PSPC1: variants seen among roughly 807,000 people sequenced by gnomAD.
PSPC1 encodes paraspeckle component 1.
In PSPC1, 14 loss-of-function variants were observed where a neutral mutation model predicts 51.6. The ratio of observed to expected loss-of-function variants is 0.27; its 90% CI spans 0.18 to 0.42. The LOEUF is 0.42. Among genes scored for constraint, PSPC1 ranks in the 10% least tolerant of loss-of-function variants. PSPC1 has a pLI of 1.00. For synonymous variants in PSPC1, 193 were observed against 231.9 expected, an observed-to-expected ratio of 0.83 and a Z score of 1.53; for missense variants, 406 against 701.1, an observed-to-expected ratio of 0.58 and a Z score of 4.75.
chr13:19,746,127 A>G (rs1885955302), intron 4 of PSPC1, among the ~76,000 whole-genome samples: 1 of 150,670 alleles, frequency 6.6e-6, no homozygotes, highest in African/African-American at 2.4e-5. Context: ...TGCCTCAGCT[A>G]CCCGAGCAGC....
downstream of PSPC1, chr13:19,673,145 C>T (rs1400388738): frequency 8.8e-6 from 4 of 453,002 alleles, no homozygotes; most frequent in Admixed American, 4.8e-5. Flanking sequence ...TTTTGAACAC[C>T]GACTGGGAAG....
intron 7 of PSPC1, 70 bp downstream of exon 7, chr13:19,709,472 T>A: frequency 8.2e-7 from 1 of 1,222,788 alleles, no homozygotes. Flanking sequence ...GATATGTAGA[T>A]ACCACAAACA....
intron 4 of PSPC1, among the ~76,000 whole-genome samples, chr13:19,742,179 G>C (rs1020991701): frequency 6.6e-6 from 1 of 151,140 alleles, no homozygotes; most frequent in Non-Finnish European, 1.5e-5. Flanking sequence ...AACTCATCTT[G>C]GCTGGGCGCG....
At position 19,711,403 on chromosome 13, in the gene PSPC1, G is replaced by A. The variant is rs552728593; in HGVS notation, c.1159-1804C>T. On this transcript the variant is annotated intron_variant, in intron 6 of 8. Coordinates refer to ENST00000338910, the MANE Select transcript of PSPC1 (RefSeq NM_001354909.2). The stretch of plus-strand genomic sequence containing the variant: ...TGTAATCCCAGCACTTTGGGAGGCC[G>A]AGATGGGCGGATCATGAGGTCAGGA... Among the ~76,000 whole-genome samples, 22 of 152,210 alleles carry A rather than the reference G, an allele frequency of 1.4e-4. No homozygotes were observed. In the South Asian group the frequency reaches 2.9e-3, roughly 20 times the overall value.
intron 5 of PSPC1, among the ~76,000 whole-genome samples, chr13:19,740,401 G>A (rs1391729475): frequency 2.0e-5 from 3 of 151,628 alleles, no homozygotes; most frequent in Non-Finnish European, 2.9e-5. Flanking sequence ...TTTATAAATT[G>A]ATAAACTCAG....
intron 6 of PSPC1, among the ~76,000 whole-genome samples, chr13:19,686,667 C>A (rs1239863233): frequency 6.6e-6 from 1 of 152,008 alleles, no homozygotes; most frequent in Non-Finnish European, 1.5e-5. Flanking sequence ...TCATAAAATT[C>A]AAAAATATAG....
intron 1 of PSPC1, among the ~76,000 whole-genome samples, chr13:19,780,308 G>A (rs1355118498): frequency 3.6e-5 from 5 of 138,198 alleles, no homozygotes; most frequent in African/African-American, 1.0e-4. Flanking sequence ...CGTCTGGGAG[G>A]TGTGCCCAAC....
chr13:19,748,317 T>C (rs965035950), intron 4 of PSPC1, among the ~76,000 whole-genome samples: 1 of 152,176 alleles, frequency 6.6e-6, no homozygotes, highest in African/African-American at 2.4e-5. Context: ...AATTTACCAA[T>C]TGCAGACTTT....
chr13:19,704,666 G>A (rs763541501), intron 8 of PSPC1, among the ~76,000 whole-genome samples: 2 of 151,954 alleles, frequency 1.3e-5, no homozygotes, highest in Non-Finnish European at 2.9e-5. Context: ...CCTAAAGTCC[G>A]ATTTATATAG....
At chr13:19,772,979 G>A (rs903656051) in intron 1 of PSPC1, among the ~76,000 whole-genome samples, 2 of 151,846 alleles carry the variant, frequency 1.3e-5, no homozygotes, top group African/African-American at 4.8e-5. Context: ...CTGGCCAACA[G>A]GGTGAAATCC....
rs766922316 is a variant in PSPC1, at chr13:19,772,513, C to T, written c.403G>A (p.Ala135Thr). Reference sequence around the variant, plus strand: ...TTGAGAATGGTGCCGTCCAGCTCTGCTTTTGCAATTTCAGCCAGGGTTCTG... The same window carrying T: ...TTGAGAATGGTGCCGTCCAGCTCTGTTTTTGCAATTTCAGCCAGGGTTCTG... ...ESRTLAEIAK[A>T]ELDGTILKSR... Residue 135 changes from alanine to threonine, a missense_variant, in exon 2 of 9, where the codon GCA becomes ACA. Physicochemically the swap from Ala to Thr is moderately conservative, Grantham distance 58. Around this residue, in one of 5 missense-constraint regions of PSPC1, gnomAD observed 180 missense variants for 337.9 expected, o/e 0.53. Transcript: ENST00000338910. 6.2e-7 allele frequency: 1 copy of T among 1,605,012 alleles called. No individual in the cohort carries two copies. The highest frequency in any genetic ancestry group is 1.1e-5 in the South Asian group (1 of 90,078).
intron 6 of PSPC1, among the ~76,000 whole-genome samples, chr13:19,688,261 C>T (rs1878159163): frequency 6.6e-6 from 1 of 152,028 alleles, no homozygotes; most frequent in African/African-American, 2.4e-5. Flanking sequence ...CGTCAAGGTA[C>T]CAAAGTATAC....
At chr13:19,771,001 C>G (rs1888571403) in intron 2 of PSPC1, among the ~76,000 whole-genome samples, 1 of 151,972 alleles carries the variant, frequency 6.6e-6, no homozygotes, top group Non-Finnish European at 1.5e-5. Flanking sequence ...GAGACAGGGT[C>G]TCACTGCAAC....
At chr13:19,736,740 A>G (rs1884877237) in intron 5 of PSPC1, among the ~76,000 whole-genome samples, 1 of 152,174 alleles carries the variant, frequency 6.6e-6, no homozygotes. Context: ...TCCACATCTC[A>G]GCCTATGATT....
chr13:19,738,716 G>A (rs924696185), intron 5 of PSPC1, among the ~76,000 whole-genome samples: 6 of 151,982 alleles, frequency 3.9e-5, no homozygotes, highest in African/African-American at 1.5e-4. Flanking sequence ...GACCATCCTG[G>A]CTAACACGGT....
At chr13:19,725,792 A>C (rs142242053) in intron 6 of PSPC1, among the ~76,000 whole-genome samples, 1 of 152,314 alleles carries the variant, frequency 6.6e-6, no homozygotes, top group East Asian at 1.9e-4. Flanking sequence ...TGAAAGCCCA[A>C]ATCAAGGTTG....
At chr13:19,755,177 A>G (rs535723099) in intron 3 of PSPC1, among the ~76,000 whole-genome samples, 34 of 152,116 alleles carry the variant, frequency 2.2e-4, no homozygotes, top group African/African-American at 7.7e-4. Flanking sequence ...TAGAGGCTGC[A>G]GTGAGCCATG....
intron 5 of PSPC1, among the ~76,000 whole-genome samples, chr13:19,736,682 CG>C (rs1316107715): frequency 6.6e-6 from 1 of 151,786 alleles, no homozygotes; most frequent in African/African-American, 2.4e-5. Context: ...GACTCCGTCT[CG>C]AAAAAATAAA....
At chr13:19,757,138 A>G (rs1224013534) in intron 3 of PSPC1, among the ~76,000 whole-genome samples, 1 of 151,858 alleles carries the variant, frequency 6.6e-6, no homozygotes, top group Non-Finnish European at 1.5e-5. Flanking sequence ...TCAAAAAAAA[A>G]AAAAAAAAAG....
Sources: allele counts gnomAD v4.1 joint callset (sites outside exome capture counted in the v4.1 genomes callset), GRCh38; gene constraint gnomAD v4.1.1; regional missense constraint gnomAD v4.1.1; transcripts MANE v1.5; gene names NCBI Gene and HGNC (gene_info 2026-07-23, HGNC 2026-07-21).